The following GOLGA4 variants were observed in gnomAD, a reference collection of about 807,000 sequenced individuals.
GOLGA4 encodes the protein golgin subfamily A member 4.
A neutral mutation model predicts 265.9 loss-of-function variants in GOLGA4; 169 were observed. The observed-to-expected ratio is 0.64, with a 90% CI of 0.56 to 0.72. The LOEUF (loss-of-function observed/expected upper bound fraction) is 0.72. Ranked by LOEUF, GOLGA4 falls within the 30% of genes least tolerant of loss-of-function variation. The probability of loss-of-function intolerance (pLI) is 0.00; values close to 1 mark genes in which losing one functional copy is unlikely to be tolerated. For missense variants in GOLGA4, 2,482 were observed against 2,483.4 expected (o/e 1.00, Z 0.01); for synonymous variants, 923 against 855.8 (o/e 1.08, Z -1.37).
chr3:37,268,446 C>G (rs566259654), intron 2 of GOLGA4, among the ~76,000 whole-genome samples: 1 of 151,274 alleles, frequency 6.6e-6, no homozygotes, highest in Non-Finnish European at 1.5e-5. Context: ...GTAATAGAAG[C>G]TATTAAAAAA....
intron 12 of GOLGA4, 76 bp downstream of exon 12, chr3:37,319,270 A>G: frequency 2.5e-6 from 3 of 1,214,762 alleles, no homozygotes; most frequent in East Asian, 4.9e-5. Context: ...TCACTGTTGC[A>G]TTCCAGTTGG....
Position 37,282,283 on chromosome 3 carries a change from G to T in GOLGA4, c.477+11G>T. The T allele has an allele frequency of 1.9e-6, 3 of 1,606,896 alleles. No individual in the cohort carries two copies. In the South Asian group the frequency reaches 3.3e-5, roughly 18 times the overall value. ...GGAAAATATTCTGAGGTAGGAGCAT[G>T]ACCTTTTTGCCTGTACAAAAATTTC... is the stretch of plus-strand genomic sequence containing the variant. On this transcript the variant is annotated intron_variant, in intron 3 of 23. Transcript: ENST00000361924.
At chr3:37,270,009 T>G (rs2150711039) in intron 2 of GOLGA4, among the ~76,000 whole-genome samples, 1 of 147,072 alleles carries the variant, frequency 6.8e-6, no homozygotes, top group South Asian at 2.2e-4. Context: ...TTCTCCTGCC[T>G]CAGGCTCCCA....
chr3:37,348,566 G>T (rs1437793697), intron 21 of GOLGA4, among the ~76,000 whole-genome samples: 2 of 152,108 alleles, frequency 1.3e-5, no homozygotes, highest in Non-Finnish European at 2.9e-5. Flanking sequence ...TTATGTCCCT[G>T]TGGGGGGATA....
At chr3:37,258,419 C>A (rs1375005914) in intron 2 of GOLGA4, among the ~76,000 whole-genome samples, 3 of 151,870 alleles carry the variant, frequency 2.0e-5, no homozygotes, top group Admixed American at 6.6e-5. Context: ...CCTCTACCTC[C>A]CAGGTTCAAG....
intron 7 of GOLGA4, among the ~76,000 whole-genome samples, chr3:37,296,626 A>C (rs547755177): frequency 6.6e-6 from 1 of 152,318 alleles, no homozygotes; most frequent in African/African-American, 2.4e-5. Context: ...GCTGGAGTGC[A>C]GTAGCATGAT....
At chr3:37,348,567 T>G (rs1295875379) in intron 21 of GOLGA4, among the ~76,000 whole-genome samples, 2 of 152,000 alleles carry the variant, frequency 1.3e-5, no homozygotes, top group Non-Finnish European at 2.9e-5. Flanking sequence ...TATGTCCCTG[T>G]GGGGGGATAT....
intron 6 of GOLGA4, 115 bp from the exon 7 acceptor site, chr3:37,295,972 G>A (rs185397022): frequency 2.5e-4 from 207 of 829,020 alleles, no homozygotes; most frequent in African/African-American, 1.2e-3. Context: ...GAGCTCCTGC[G>A]GATTTTGGTA....
intron 9 of GOLGA4, among the ~76,000 whole-genome samples, chr3:37,299,978 G>A (rs4283531): frequency 0.28 from 41,931 of 151,976 alleles, 7,238 homozygotes; most frequent in Non-Finnish European, 0.39. Context: ...TTGAGCCCAG[G>A]AGTTAGAGGC....
At position 37,337,281 on chromosome 3, in the gene GOLGA4, C is replaced by A. The variant is rs1238166177; in HGVS notation, c.6327+118C>A. On this transcript the variant is annotated intron_variant, in intron 18 of 23. Transcript: ENST00000361924. ...GTGATGCAATCTTGGCTCACTGCAA[C>A]CTCTGCCTCCTGAGTTCAGGTATTC... 1.4e-5 allele frequency: 9 copies of A among 641,062 alleles called. No homozygotes were observed. The African/African-American group carries it at 1.7e-4, about 12-fold the overall frequency. 39.7% of individuals were successfully genotyped at this position (641,062 alleles called of 1,614,324 possible). A position where few individuals can be genotyped will look rare whatever the true frequency, so the allele number is the denominator to read the frequency against.
chr3:37,296,618 T>A (rs1207785837), intron 7 of GOLGA4, among the ~76,000 whole-genome samples: 3 of 152,218 alleles, frequency 2.0e-5, no homozygotes, highest in African/African-American at 7.2e-5. Context: ...TTGCCTAGGC[T>A]GGAGTGCAGT....
At chr3:37,340,452 G>A (rs1156508817) in intron 20 of GOLGA4, among the ~76,000 whole-genome samples, 3 of 152,074 alleles carry the variant, frequency 2.0e-5, no homozygotes, top group African/African-American at 7.2e-5. Flanking sequence ...TGTGTGATGA[G>A]AACACTTTAA....
chr3:37,254,527 A>G (rs567395207), intron 2 of GOLGA4, among the ~76,000 whole-genome samples: 7 of 150,624 alleles, frequency 4.6e-5, no homozygotes, highest in South Asian at 2.1e-4. Context: ...TAATTAAACA[A>G]TTGTTTAATT....
chr3:37,289,339 T>C (rs1478739487), intron 5 of GOLGA4, 48 bp downstream of exon 5: 2 of 1,159,058 alleles, frequency 1.7e-6, no homozygotes, highest in Non-Finnish European at 2.6e-6. Context: ...AAATCTCATA[T>C]TTATCAGAAC....
At chr3:37,280,023 A>G (rs1451133809) in intron 2 of GOLGA4, among the ~76,000 whole-genome samples, 1 of 152,206 alleles carries the variant, frequency 6.6e-6, no homozygotes, top group Non-Finnish European at 1.5e-5. Flanking sequence ...AAAAGAAAAT[A>G]CAGTGTAGAG....
chr3:37,337,601 C>A, intron 18 of GOLGA4, 65 bp from the exon 19 acceptor site: 1 of 1,076,998 alleles, frequency 9.3e-7, no homozygotes, highest in South Asian at 1.3e-5. Flanking sequence ...CCAAGCAGTG[C>A]AGAAATGTGT....
chr3:37,358,369 A>G (rs1411032111), intron 22 of GOLGA4, among the ~76,000 whole-genome samples: 1 of 152,172 alleles, frequency 6.6e-6, no homozygotes, highest in African/African-American at 2.4e-5. Flanking sequence ...TCATTACAGG[A>G]TACAAGTTAT....
intron 10 of GOLGA4, among the ~76,000 whole-genome samples, chr3:37,307,830 G>A (rs923332926): frequency 2.0e-5 from 3 of 152,186 alleles, no homozygotes; most frequent in East Asian, 1.9e-4. Context: ...TCTTTGGTGC[G>A]GGATTATATT....
chr3:37,311,536 A>G (rs1315655008), intron 10 of GOLGA4, among the ~76,000 whole-genome samples: 2 of 152,208 alleles, frequency 1.3e-5, no homozygotes, highest in Admixed American at 6.5e-5. Context: ...GCTTAAAGCC[A>G]ATTTTAAAGT....
Sources: allele counts gnomAD v4.1 joint callset (sites outside exome capture counted in the v4.1 genomes callset), GRCh38; gene constraint gnomAD v4.1.1; transcripts MANE v1.5; gene names NCBI Gene and HGNC (gene_info 2026-07-23, HGNC 2026-07-21).